TTC28: variants seen among roughly 807,000 people sequenced by gnomAD.
TTC28 encodes the protein tetratricopeptide repeat domain 28, also known as tetratricopeptide repeat protein 28.
In TTC28, 61 loss-of-function variants were observed where a neutral mutation model predicts 198.0. The ratio of observed to expected loss-of-function variants is 0.31; its 90% CI spans 0.25 to 0.38. The LOEUF (loss-of-function observed/expected upper bound fraction) is 0.38, where lower values mean the gene tolerates loss of function less well. Among genes scored for constraint, TTC28 ranks in the 10% least tolerant of loss-of-function variants. The pLI is 1.00. For missense variants in TTC28, 2,678 were observed against 3,164.0 expected, an observed-to-expected ratio of 0.85 and a Z score of 3.69; for synonymous variants, 1,171 against 1,297.8, an observed-to-expected ratio of 0.90 and a Z score of 2.10.
chr22:28,529,125 G>A (rs184533382), intron 2 of TTC28, among the ~76,000 whole-genome samples: 88 of 152,240 alleles, frequency 5.8e-4, no homozygotes, highest in Non-Finnish European at 1.1e-3. Context: ...GCCTCACCCG[G>A]GAAGCGCAAG....
intron 5 of TTC28, among the ~76,000 whole-genome samples, chr22:28,247,853 T>C (rs1930221057): frequency 6.6e-6 from 1 of 152,100 alleles, no homozygotes; most frequent in Non-Finnish European, 1.5e-5. Flanking sequence ...GAAGGGAGGA[T>C]CCCATCTTGA....
intron 5 of TTC28, among the ~76,000 whole-genome samples, chr22:28,189,975 G>A (rs149343034): frequency 9.2e-5 from 14 of 152,320 alleles, no homozygotes; most frequent in African/African-American, 2.9e-4. Context: ...AACGAGTCTA[G>A]TTACTACTAG....
chr22:28,263,170 A>G (rs1246850411), intron 5 of TTC28, among the ~76,000 whole-genome samples: 2 of 152,170 alleles, frequency 1.3e-5, no homozygotes, highest in Non-Finnish European at 2.9e-5. Context: ...CCATCAAAAG[A>G]TCAATAATAA....
At chr22:28,091,595 G>C (rs1941815804) in intron 12 of TTC28, among the ~76,000 whole-genome samples, 1 of 152,100 alleles carries the variant, frequency 6.6e-6, no homozygotes, top group Non-Finnish European at 1.5e-5. Flanking sequence ...TCGAAAGGAG[G>C]GAGAGTCTTG....
At chr22:28,591,038 CACATATATAT>C (rs1237620176) in intron 2 of TTC28, among the ~76,000 whole-genome samples, 116 of 24,486 alleles carry the variant, frequency 4.7e-3, no homozygotes, top group Non-Finnish European at 5.8e-3. Context: ...CACACACACA[CACATATATAT>C]ATATATATAT....
intron 2 of TTC28, among the ~76,000 whole-genome samples, chr22:28,589,816 G>A (rs971375076): frequency 7.9e-5 from 12 of 151,978 alleles, no homozygotes; most frequent in African/African-American, 2.9e-4. Context: ...AAGGCGGGTA[G>A]ATCACGAGGT....
At position 28,016,376 on chromosome 22, in the gene TTC28, G is replaced by A. The variant is rs544358358; in HGVS notation, c.4074-1984C>T. ...TCCCGAGGAGACGCTTTGGCATGACGCGCGGTGTCTGTCACGGCACTGTTG... is the reference window on the plus strand; with the variant it reads ...TCCCGAGGAGACGCTTTGGCATGACACGCGGTGTCTGTCACGGCACTGTTG... On this transcript the variant is annotated intron_variant, in intron 13 of 22. Coordinates refer to ENST00000397906, the MANE Select transcript of TTC28 (RefSeq NM_001145418.2). Among the ~76,000 whole-genome samples, 11 of 152,310 alleles carry A rather than the reference G, an allele frequency of 7.2e-5. 1 individual carries two copies. In the South Asian group the frequency reaches 2.3e-3, roughly 32 times the overall value.
At chr22:28,211,187 T>C (rs953728398) in intron 5 of TTC28, among the ~76,000 whole-genome samples, 8 of 152,192 alleles carry the variant, frequency 5.3e-5, no homozygotes, top group African/African-American at 1.7e-4. Flanking sequence ...CATGCCAAAT[T>C]GTAAAGACCA....
At chr22:28,652,373 T>C (rs1005286425) in intron 1 of TTC28, among the ~76,000 whole-genome samples, 22 of 152,338 alleles carry the variant, frequency 1.4e-4, no homozygotes, top group Admixed American at 1.3e-4. Context: ...CTTATGCTGG[T>C]TAATCAATTC....
intron 21 of TTC28, among the ~76,000 whole-genome samples, chr22:27,987,165 C>A (rs1937241479): frequency 6.6e-6 from 1 of 152,254 alleles, no homozygotes; most frequent in African/African-American, 2.4e-5. Flanking sequence ...GGCCATAAAG[C>A]TTGCAAATGC....
rs544681004 is a variant in TTC28 at position 28,188,061 on chromosome 22, A to C, written c.934-24462T>G. Among the ~76,000 whole-genome samples, 4 of 152,330 alleles carry C rather than the reference A, an allele frequency of 2.6e-5. No homozygotes were observed. The East Asian group carries it at 7.7e-4, about 29-fold the overall frequency. ...CGGGAAATATAAAAATAAACGAGAC[A>C]AGGCATCTGCTCCAAACTCGCTCAC... On this transcript the variant is annotated intron_variant, in intron 5 of 22. Coordinates refer to ENST00000397906, the MANE Select transcript of TTC28 (RefSeq NM_001145418.2).
intron 6 of TTC28, among the ~76,000 whole-genome samples, chr22:28,148,051 A>G (rs1321820834): frequency 1.3e-5 from 2 of 152,222 alleles, no homozygotes; most frequent in African/African-American, 4.8e-5. Flanking sequence ...AAACCTGCAC[A>G]AAAGACTTCA....
intron 5 of TTC28, among the ~76,000 whole-genome samples, chr22:28,179,291 C>T (rs951257864): frequency 6.6e-6 from 1 of 151,812 alleles, no homozygotes; most frequent in Non-Finnish European, 1.5e-5. Context: ...TCCCAAGTAG[C>T]TGGGATTACA....
intron 2 of TTC28, among the ~76,000 whole-genome samples, chr22:28,359,350 C>T (rs2046124640): frequency 6.6e-6 from 1 of 152,146 alleles, no homozygotes; most frequent in South Asian, 2.1e-4. Flanking sequence ...TTTACACAAC[C>T]TTTGTCTGTG....
chr22:28,163,991 G>C (rs927691962), intron 5 of TTC28, among the ~76,000 whole-genome samples: 2 of 152,230 alleles, frequency 1.3e-5, no homozygotes, highest in Non-Finnish European at 2.9e-5. Context: ...CACACCAGGA[G>C]ATTATATCCC....
Position 28,101,243 on chromosome 22 carries a change from A to C in TTC28, c.3345T>G (p.Asp1115Glu). 6.4e-7 allele frequency: 1 copy of C among 1,551,752 alleles called. No individual in the cohort carries two copies. Among genetic ancestry groups the C allele is most frequent in the Non-Finnish European group, 8.7e-7 (1 of 1,146,964 alleles). The part of the protein sequence containing the change: ...RLAEQLGRRE[D>E]EAKIRHGLGL... ...CAAGGCCATGGCGAATTTTTGCCTCATCTTCTCTTCGGCCCAGTTGCTCAG... is the reference window on the plus strand; with the variant it reads ...CAAGGCCATGGCGAATTTTTGCCTCCTCTTCTCTTCGGCCCAGTTGCTCAG... Residue 1115 changes from aspartate (D) to glutamate (E), a missense_variant, in exon 9 of 23, where the codon GAT becomes GAG. This residue lies in a region of TTC28 where 727 missense variants were observed against 861.9 expected (regional missense o/e 0.84). Transcript: ENST00000397906.
At chr22:28,377,200 T>TA (rs377093229) in intron 2 of TTC28, among the ~76,000 whole-genome samples, 9,116 of 107,820 alleles carry the variant, frequency 0.085, 391 homozygotes, top group Admixed American at 0.17. Context: ...TATTGTAAAG[T>TA]AAAAAAAAAA....
At chr22:28,020,943 T>G (rs1442824723) in intron 13 of TTC28, among the ~76,000 whole-genome samples, 1 of 152,118 alleles carries the variant, frequency 6.6e-6, no homozygotes, top group Admixed American at 6.5e-5. Context: ...CCGCCCTGCC[T>G]TCTGCGAGGC....
chr22:28,129,642 G>A (rs565404403), intron 6 of TTC28, among the ~76,000 whole-genome samples: 13 of 152,286 alleles, frequency 8.5e-5, no homozygotes, highest in Admixed American at 6.5e-4. Context: ...AGTGCCTGGC[G>A]CACAGTGTAG....
Sources: allele counts gnomAD v4.1 joint callset (sites outside exome capture counted in the v4.1 genomes callset), GRCh38; gene constraint gnomAD v4.1.1; regional missense constraint gnomAD v4.1.1; transcripts MANE v1.5; gene names NCBI Gene and HGNC (gene_info 2026-07-23, HGNC 2026-07-21).